The following CACNA1C variants were observed in gnomAD, a reference collection of about 807,000 sequenced individuals.
The protein encoded by CACNA1C is calcium voltage-gated channel subunit alpha1 C.
Under a neutral mutation model 229.0 loss-of-function variants are expected in CACNA1C, and 30 were observed. The ratio of observed to expected loss-of-function variants is 0.13; its 90% CI spans 0.10 to 0.18. The LOEUF is 0.18. CACNA1C is among the 10% of genes least tolerant of loss of function. The pLI is 1.00. For missense variants in CACNA1C, 1,658 were observed against 2,845.0 expected, an observed-to-expected ratio of 0.58 and a Z score of 9.49; for synonymous variants, 1,114 against 1,132.5, an observed-to-expected ratio of 0.98 and a Z score of 0.33.
chr12:2,013,560 T>C (rs2044794111), intron 1 of CACNA1C, among the ~76,000 whole-genome samples: 1 of 152,204 alleles, frequency 6.6e-6, no homozygotes, highest in African/African-American at 2.4e-5. Flanking sequence ...TCCTTGGGGA[T>C]CTTGGGACCA....
chr12:2,109,634 A>G lies in CACNA1C; in HGVS notation c.50-5590A>G, dbSNP rs545573140. ...TTGAAGGGATCTAACTAGGGGAATG[A>G]CAGGGCCCAATTTACGAGTTCTGTT... On this transcript the variant is annotated intron_variant, in intron 1 of 46. Coordinates refer to ENST00000399655, the MANE Select transcript of CACNA1C (RefSeq NM_000719.7). 1.2e-4 allele frequency among the ~76,000 whole-genome samples: 19 copies of G among 152,314 alleles called. No homozygotes were observed. The East Asian group carries it at 3.7e-3, about 29-fold the overall frequency.
chr12:2,151,730 A>C (rs113308328), intron 3 of CACNA1C, among the ~76,000 whole-genome samples: 12 of 152,346 alleles, frequency 7.9e-5, no homozygotes, highest in African/African-American at 2.4e-4. Flanking sequence ...GTTACAAAAA[A>C]GTACAGATGA....
At chr12:2,526,536 C>G (rs1218092555) in intron 9 of CACNA1C, among the ~76,000 whole-genome samples, 3 of 152,206 alleles carry the variant, frequency 2.0e-5, no homozygotes, top group African/African-American at 7.2e-5. Flanking sequence ...GGCTTTGAGC[C>G]GAAACTTGCA....
intron 6 of CACNA1C, among the ~76,000 whole-genome samples, chr12:2,487,330 C>A (rs2154570783): frequency 6.6e-6 from 1 of 151,422 alleles, no homozygotes; most frequent in African/African-American, 2.4e-5. Flanking sequence ...TCAGTCCCAG[C>A]ACTCAGTTAA....
chr12:2,642,378 C>G (rs540915583), intron 30 of CACNA1C, among the ~76,000 whole-genome samples: 36 of 152,284 alleles, frequency 2.4e-4, no homozygotes, highest in Admixed American at 1.3e-3. Context: ...TTGTTGTGGC[C>G]AGACAACTGA....
At chr12:2,455,986 G>A (rs933941010) in intron 4 of CACNA1C, among the ~76,000 whole-genome samples, 20 of 152,078 alleles carry the variant, frequency 1.3e-4, no homozygotes, top group African/African-American at 4.3e-4. Flanking sequence ...CAACTGCTGC[G>A]CTTTTGTCTC....
chr12:2,495,652 C>T (rs2099745210), intron 7 of CACNA1C, among the ~76,000 whole-genome samples: 2 of 152,216 alleles, frequency 1.3e-5, no homozygotes, highest in Admixed American at 1.3e-4. Flanking sequence ...GTTGTGCCTT[C>T]TCCCCTGGGG....
chr12:2,676,936 T>C (rs1341377265), intron 39 of CACNA1C, 158 bp from the exon 40 acceptor site: 4 of 598,180 alleles, frequency 6.7e-6, no homozygotes, highest in African/African-American at 1.9e-5. Context: ...AGCCTTTTTA[T>C]GGTTTTTTTT....
rs979122485 is a variant in CACNA1C, at chr12:2,275,270, A to G, written c.477+154840A>G. On this transcript the variant is annotated intron_variant, in intron 3 of 46. Coordinates refer to ENST00000399655, the MANE Select transcript of CACNA1C (RefSeq NM_000719.7). The surrounding 1 kb of genome is among the most constrained non-coding windows in gnomAD (Gnocchi z 4.1). ...GATCTTTCTTTCCTTTGCCCAATAC[A>G]TGTCAGGCTCTGTGTGGCAAGGGCG... Among the ~76,000 whole-genome samples the G allele has an allele frequency of 3.3e-5, 5 of 152,122 alleles. No individual in the cohort carries two copies. Among genetic ancestry groups the G allele is most frequent in the East Asian group, 1.9e-4 (1 of 5,192 alleles).
intron 5 of CACNA1C, among the ~76,000 whole-genome samples, chr12:2,480,280 G>A (rs1284132771): frequency 2.4e-4 from 37 of 152,064 alleles, no homozygotes; most frequent in Admixed American, 2.4e-3. Context: ...CCTGGCGCCG[G>A]GACCCTCTAC....
intron 4 of CACNA1C, among the ~76,000 whole-genome samples, chr12:2,456,875 C>CTA (rs1309367845): frequency 5.9e-5 from 9 of 152,242 alleles, no homozygotes; most frequent in African/African-American, 2.2e-4. Context: ...GTCCATTTTG[C>CTA]TATAGCCCCA....
intron 9 of CACNA1C, among the ~76,000 whole-genome samples, chr12:2,528,631 G>A (rs2154581191): frequency 1.3e-5 from 2 of 152,334 alleles, no homozygotes; most frequent in South Asian, 4.1e-4. Context: ...AAGTTTTGCA[G>A]CGGAGAAAGC....
intron 3 of CACNA1C, among the ~76,000 whole-genome samples, chr12:2,256,862 C>T (rs934657270): frequency 2.0e-5 from 3 of 152,186 alleles, no homozygotes; most frequent in South Asian, 2.1e-4. Context: ...GGTTTGGAAA[C>T]CAGCATGCTA....
intron 5 of CACNA1C, among the ~76,000 whole-genome samples, chr12:2,471,469 AT>A (rs1249804418): frequency 6.6e-6 from 1 of 152,156 alleles, no homozygotes; most frequent in Non-Finnish European, 1.5e-5. Flanking sequence ...ATTTCCCCTT[AT>A]CTTGAAGCAA....
At position 2,115,470 on chromosome 12, in the gene CACNA1C, G is replaced by A; in HGVS notation, c.296G>A (p.Arg99His). ...PKKQGSTTAT[R>H]PPRALLCLTL... Reference sequence around the variant, plus strand: ...AAGCAGGGCAGCACCACGGCCACACGCCCGCCCCGAGCCCTGCTCTGCCTG... The same window carrying A: ...AAGCAGGGCAGCACCACGGCCACACACCCGCCCCGAGCCCTGCTCTGCCTG... The change falls in exon 2 of 47, where the codon CGC (arginine) becomes CAC (histidine). Residue 99 changes from arginine to histidine, a missense_variant. By Grantham distance (29) the Arg-to-His change is conservative. Around this residue, in one of 20 missense-constraint regions of CACNA1C, gnomAD observed 89 missense variants for 177.8 expected, o/e 0.50. Coordinates refer to ENST00000399655, the MANE Select transcript of CACNA1C (RefSeq NM_000719.7). 4 of 1,613,390 alleles carry A rather than the reference G, an allele frequency of 2.5e-6. No individual in the cohort carries two copies. The highest frequency in any genetic ancestry group is 1.1e-5 in the South Asian group (1 of 91,088).
At position 2,169,068 on chromosome 12, in the gene CACNA1C, A is replaced by G. The variant is rs141676603; in HGVS notation, c.477+48638A>G. Among the ~76,000 whole-genome samples the G allele has an allele frequency of 3.9e-4, 60 of 152,066 alleles. 1 individual carries two copies. Among genetic ancestry groups the G allele is most frequent in the Middle Eastern group, 3.4e-3 (1 of 292 alleles). On this transcript the variant is annotated intron_variant, in intron 3 of 46. Transcript: ENST00000399655. Reference sequence around the variant, plus strand: ...CAGCCGCTCGCCTTCAGCATGACACATTTTTCTGTGCTTTGCCTCGTTAAG... The same window carrying G: ...CAGCCGCTCGCCTTCAGCATGACACGTTTTTCTGTGCTTTGCCTCGTTAAG...
At chr12:2,425,461 G>A (rs915252134) in intron 3 of CACNA1C, among the ~76,000 whole-genome samples, 1 of 152,072 alleles carries the variant, frequency 6.6e-6, no homozygotes, top group African/African-American at 2.4e-5. Flanking sequence ...TTATAACATA[G>A]AATTTGTTAT....
At chr12:2,510,909 G>A (rs907867783) in intron 8 of CACNA1C, among the ~76,000 whole-genome samples, 20 of 152,170 alleles carry the variant, frequency 1.3e-4, no homozygotes, top group African/African-American at 4.8e-4. Context: ...AGGCCCCGAA[G>A]GCTTAACCAG....
intron 3 of CACNA1C, among the ~76,000 whole-genome samples, chr12:2,249,442 T>C (rs919827540): frequency 1.3e-5 from 2 of 152,206 alleles, no homozygotes; most frequent in Non-Finnish European, 2.9e-5. Context: ...AATCCTAAAA[T>C]AAAATCCTAA....
Sources: allele counts gnomAD v4.1 joint callset (sites outside exome capture counted in the v4.1 genomes callset), GRCh38; gene constraint gnomAD v4.1.1; regional missense constraint gnomAD v4.1.1; non-coding constraint Gnocchi (gnomAD v3.1); transcripts MANE v1.5; gene names NCBI Gene and HGNC (gene_info 2026-07-23, HGNC 2026-07-21).